MET: variants seen among roughly 807,000 people sequenced by gnomAD.
The protein encoded by MET is MET proto-oncogene, receptor tyrosine kinase, also known as hepatocyte growth factor receptor.
In MET, 48 loss-of-function variants were observed where a neutral mutation model predicts 133.1. The observed-to-expected ratio is 0.36, with a 90% CI of 0.29 to 0.46. MET has a LOEUF of 0.46. Among genes scored for constraint, MET ranks in the 20% least tolerant of loss-of-function variants. The probability of loss-of-function intolerance (pLI) is 1.00; values close to 1 mark genes in which losing one functional copy is unlikely to be tolerated. For synonymous variants in MET, 628 were observed against 616.5 expected (o/e 1.02, Z -0.28); for missense variants, 1,442 against 1,695.9 (o/e 0.85, Z 2.63).
chr7:116,680,335 A>T (rs193255597), intron 1 of MET, among the ~76,000 whole-genome samples: 1 of 152,354 alleles, frequency 6.6e-6, no homozygotes, highest in African/African-American at 2.4e-5. Context: ...TATTTACATG[A>T]CTTTTAAAAT....
At chr7:116,709,864 T>C (rs188983319) in intron 2 of MET, among the ~76,000 whole-genome samples, 1 of 152,238 alleles carries the variant, frequency 6.6e-6, no homozygotes. Flanking sequence ...TGTTCTAAAG[T>C]ACAATAATAG....
chr7:116,689,743 ATT>A (rs1796708744), intron 1 of MET, among the ~76,000 whole-genome samples: 2 of 151,318 alleles, frequency 1.3e-5, no homozygotes, highest in African/African-American at 4.9e-5. Context: ...TAATTTTTTT[ATT>A]TTTTGTAGAG....
intron 19 of MET, among the ~76,000 whole-genome samples, chr7:116,788,088 T>C (rs916177472): frequency 1.3e-5 from 2 of 152,312 alleles, no homozygotes; most frequent in East Asian, 3.9e-4. Context: ...AATTACATGT[T>C]GAATGGTTCC....
intron 3 of MET, among the ~76,000 whole-genome samples, chr7:116,735,680 C>T (rs1793183362): frequency 6.6e-6 from 1 of 152,026 alleles, no homozygotes; most frequent in Non-Finnish European, 1.5e-5. Context: ...TTCTAACTTA[C>T]CCATCTCTTT....
intron 11 of MET, among the ~76,000 whole-genome samples, chr7:116,763,925 AAAT>A (rs1482625026): frequency 6.6e-6 from 1 of 152,200 alleles, no homozygotes; most frequent in Non-Finnish European, 1.5e-5. Context: ...TTTCTACTTC[AAAT>A]AATAACACAG....
intron 2 of MET, among the ~76,000 whole-genome samples, chr7:116,711,110 C>G (rs1412347312): frequency 1.3e-5 from 2 of 152,216 alleles, no homozygotes; most frequent in Non-Finnish European, 2.9e-5. Flanking sequence ...GTTGGCATGG[C>G]TTCATTTTAC....
intron 5 of MET, among the ~76,000 whole-genome samples, chr7:116,748,515 A>G (rs970153847): frequency 2.0e-5 from 3 of 152,240 alleles, no homozygotes; most frequent in Admixed American, 6.5e-5. Flanking sequence ...TGCCCACAGG[A>G]GAAAGTGGGA....
At chr7:116,727,420 A>T (rs2116751707) in intron 2 of MET, among the ~76,000 whole-genome samples, 1 of 152,308 alleles carries the variant, frequency 6.6e-6, no homozygotes, top group South Asian at 2.1e-4. Context: ...TATACATGAA[A>T]ATACCCACCT....
At chr7:116,780,032 ATT>A (rs954067534) in intron 17 of MET, among the ~76,000 whole-genome samples, 3 of 152,204 alleles carry the variant, frequency 2.0e-5, no homozygotes, top group African/African-American at 7.2e-5. Flanking sequence ...ATTTTTGTGT[ATT>A]TTGTTCACTG....
intron 5 of MET, among the ~76,000 whole-genome samples, chr7:116,748,399 T>C (rs1793778633): frequency 6.6e-6 from 1 of 152,182 alleles, no homozygotes; most frequent in African/African-American, 2.4e-5. Context: ...AAGGCAGAAA[T>C]AAATAAGTTC....
intron 19 of MET, among the ~76,000 whole-genome samples, chr7:116,789,362 C>A (rs886692947): frequency 7.2e-5 from 11 of 152,160 alleles, no homozygotes; most frequent in African/African-American, 2.7e-4. Context: ...CTCTTTCCTG[C>A]CAAACCCTCA....
chr7:116,770,361 A>G (rs779093243), intron 12 of MET, among the ~76,000 whole-genome samples: 3 of 152,208 alleles, frequency 2.0e-5, no homozygotes, highest in Non-Finnish European at 2.9e-5. Flanking sequence ...TTGAAAGTGC[A>G]CAGTTCAATG....
chr7:116,787,210 G>A (rs1022434579), intron 19 of MET, among the ~76,000 whole-genome samples: 19 of 152,122 alleles, frequency 1.2e-4, no homozygotes, highest in Admixed American at 7.2e-4. Context: ...GGGAGACTGG[G>A]GACATGTTAG....
In MET at chr7:116,757,526, C is replaced by A. The variant is rs2116921189; in HGVS notation, c.1952C>A (p.Thr651Lys). The part of the protein sequence containing the change: ...SNGHGTTQYS[T>K]FSYVDPVITS... The stretch of plus-strand genomic sequence containing the variant: ...GGCCACGGGACAACACAATACAGTA[C>A]ATTCTCCTATGTGGTAAGGAAGATT... The change falls in exon 7 of 21, where the codon ACA (threonine) becomes AAA (lysine). Residue 651 changes from threonine (T) to lysine (K), a missense_variant. This residue lies in a region of MET where 514 missense variants were observed against 659.6 expected (regional missense o/e 0.78). Coordinates refer to ENST00000397752, the MANE Select transcript of MET (RefSeq NM_000245.4). 3 of 1,613,428 alleles carry A rather than the reference C, an allele frequency of 1.9e-6. No homozygotes were observed. Among genetic ancestry groups the A allele is most frequent in the Non-Finnish European group, 2.5e-6 (3 of 1,179,464 alleles).
At chr7:116,774,750 T>TA (rs1794939349) in intron 14 of MET, 131 bp from the exon 15 acceptor site, 1 of 713,634 alleles carries the variant, frequency 1.4e-6, no homozygotes, top group African/African-American at 1.8e-5. Flanking sequence ...CTTGTATATA[T>TA]AACTTAGTAT....
At chr7:116,718,619 T>C (rs1562894852) in intron 2 of MET, among the ~76,000 whole-genome samples, 1 of 147,488 alleles carries the variant, frequency 6.8e-6, no homozygotes, top group Non-Finnish European at 1.5e-5. Flanking sequence ...ATTAGGTATA[T>C]CTCCCAATGC....
rs2117067816 is a variant in MET, at chr7:116,783,476, T to C, written c.3798+7T>C. 1 of 1,614,110 alleles carries C rather than the reference T, an allele frequency of 6.2e-7. No homozygotes were observed. The highest frequency in any genetic ancestry group is 8.5e-7 in the Non-Finnish European group (1 of 1,179,990). ...TACCACCAAGTCAGATGTGGTAATG[T>C]ATTGGTTATCTCTGAGTTTCTCCTC... On this transcript the variant is annotated splice_region_variant and intron_variant, in intron 19 of 20. Coordinates refer to ENST00000397752, the MANE Select transcript of MET (RefSeq NM_000245.4).
intron 5 of MET, among the ~76,000 whole-genome samples, chr7:116,751,123 G>A (rs957299889): frequency 1.1e-4 from 17 of 152,150 alleles, no homozygotes; most frequent in African/African-American, 4.1e-4. Flanking sequence ...ACATGCACAC[G>A]TATGTTTATT....
intron 19 of MET, among the ~76,000 whole-genome samples, chr7:116,791,648 C>T (rs887040547): frequency 3.3e-5 from 5 of 152,042 alleles, no homozygotes; most frequent in South Asian, 2.1e-4. Context: ...ATATCTTATG[C>T]GATACACTTT....
Sources: gnomAD v4.1 joint callset for allele counts (sites outside exome capture counted in the v4.1 genomes callset) on GRCh38, gnomAD v4.1.1 for gene constraint, gnomAD v4.1.1 regional missense constraint, MANE v1.5 for transcripts, NCBI Gene and HGNC (gene_info 2026-07-23, HGNC 2026-07-21) for gene names.